Variants in RBFOX1 observed in about 807,000 individuals in gnomAD.
RBFOX1 encodes the protein RNA binding protein fox-1 homolog 1.
RBFOX1 carries 8 observed loss-of-function variants against 57.7 expected under a neutral mutation model. The ratio of observed to expected loss-of-function variants is 0.14; its 90% CI spans 0.08 to 0.25. The LOEUF is 0.25. RBFOX1 is among the 10% of genes least tolerant of loss of function. The pLI is 1.00. For missense variants in RBFOX1, 611 were observed against 548.5 expected (o/e 1.11, Z -1.14); for synonymous variants, 326 against 222.4 (o/e 1.47, Z -4.15).
chr16:6,716,838 G>T (rs2064927797), intron 3 of RBFOX1, among the ~76,000 whole-genome samples: 1 of 152,118 alleles, frequency 6.6e-6, no homozygotes, highest in Non-Finnish European at 1.5e-5. Flanking sequence ...TTGACATTAT[G>T]TGAGTGTAAT....
At chr16:6,125,147 G>A (rs2096580227) in intron 1 of RBFOX1, among the ~76,000 whole-genome samples, 1 of 152,116 alleles carries the variant, frequency 6.6e-6, no homozygotes, top group South Asian at 2.1e-4. Context: ...ATACTGTAAG[G>A]GACATTGTGC....
intron 2 of RBFOX1, among the ~76,000 whole-genome samples, chr16:6,486,793 G>A (rs1022328867): frequency 6.6e-6 from 1 of 151,856 alleles, no homozygotes; most frequent in African/African-American, 2.4e-5. Flanking sequence ...TTTTCATGCA[G>A]GGTTGTGTGT....
intron 2 of RBFOX1, among the ~76,000 whole-genome samples, chr16:6,363,153 CA>C (rs1385532199): frequency 6.6e-6 from 1 of 152,130 alleles, no homozygotes; most frequent in Non-Finnish European, 1.5e-5. Flanking sequence ...CAATTGGCTT[CA>C]AAAGCATTTT....
chr16:5,363,192 C>G (rs891316395), intron 1 of RBFOX1, among the ~76,000 whole-genome samples: 1 of 150,438 alleles, frequency 6.6e-6, no homozygotes, highest in African/African-American at 2.5e-5. Context: ...TGCCACAGCC[C>G]CTGGCTATTT....
intron 1 of RBFOX1, among the ~76,000 whole-genome samples, chr16:6,089,661 C>T (rs184520168): frequency 4.1e-4 from 62 of 152,154 alleles, no homozygotes; most frequent in Non-Finnish European, 6.2e-4. Flanking sequence ...TACCTGAGTA[C>T]GGGGTCAGGT....
intron 4 of RBFOX1, among the ~76,000 whole-genome samples, chr16:7,516,462 G>A (rs1174597083): frequency 6.6e-6 from 1 of 152,166 alleles, no homozygotes; most frequent in Non-Finnish European, 1.5e-5. Flanking sequence ...GGAAACTGGG[G>A]CTTTGTTGAA....
intron 1 of RBFOX1, among the ~76,000 whole-genome samples, chr16:6,034,582 T>G (rs749475285): frequency 6.6e-6 from 1 of 152,074 alleles, no homozygotes; most frequent in Non-Finnish European, 1.5e-5. Flanking sequence ...CATCTAAGCA[T>G]GAAGGCAGAG....
chr16:6,035,683 C>T (rs902959384), intron 1 of RBFOX1, among the ~76,000 whole-genome samples: 1 of 152,148 alleles, frequency 6.6e-6, no homozygotes, highest in South Asian at 2.1e-4. Context: ...CAATTCTTTT[C>T]CCCCCTCATC....
intron 4 of RBFOX1, among the ~76,000 whole-genome samples, chr16:7,079,052 G>C (rs930920471): frequency 7.3e-5 from 11 of 151,532 alleles, no homozygotes; most frequent in Non-Finnish European, 1.2e-4. Context: ...GGGAAACATG[G>C]TTCAACTCAT....
intron 4 of RBFOX1, among the ~76,000 whole-genome samples, chr16:7,493,423 A>G (rs966835677): frequency 6.6e-6 from 1 of 152,242 alleles, no homozygotes; most frequent in South Asian, 2.1e-4. Flanking sequence ...TAATCACTGG[A>G]ACCTGCGAGT....
intron 4 of RBFOX1, among the ~76,000 whole-genome samples, chr16:7,080,059 TTA>T (rs201835325): frequency 1.5e-5 from 2 of 135,236 alleles, no homozygotes; most frequent in Admixed American, 7.4e-5. Flanking sequence ...TATATACATA[TTA>T]TATATATACA....
At chr16:6,922,516 T>C (rs1446185114) in intron 3 of RBFOX1, among the ~76,000 whole-genome samples, 3 of 151,776 alleles carry the variant, frequency 2.0e-5, no homozygotes. Flanking sequence ...TTTCCACATT[T>C]AAAATCTTTT....
intron 3 of RBFOX1, among the ~76,000 whole-genome samples, chr16:5,790,192 C>T (rs1215645839): frequency 6.6e-6 from 1 of 152,200 alleles, no homozygotes; most frequent in Non-Finnish European, 1.5e-5. Context: ...TGACAAATAG[C>T]CCTTCTTCCA....
chr16:6,769,548 C>G (rs977452151), intron 3 of RBFOX1, among the ~76,000 whole-genome samples: 3 of 152,172 alleles, frequency 2.0e-5, no homozygotes, highest in African/African-American at 4.8e-5. Flanking sequence ...CAGGCTGTTT[C>G]CTGTTTTTGC....
rs577487110 is a variant in RBFOX1, at chr16:7,708,857, A to G, written c.996-199A>G. On this transcript the variant is annotated intron_variant, in intron 14 of 15. Coordinates refer to ENST00000550418, the MANE Select transcript of RBFOX1 (RefSeq NM_018723.4). The stretch of plus-strand genomic sequence containing the variant: ...ATGTATTTATCTGTCAAACATAGCA[A>G]TAGCAACCATGTTAAATGCACAAAA... Among the ~76,000 whole-genome samples, 52 of 152,288 alleles carry G rather than the reference A, an allele frequency of 3.4e-4. No individual in the cohort carries two copies. In the South Asian group the frequency reaches 0.011, roughly 31 times the overall value.
chr16:5,366,307 A>T (rs11076914), intron 1 of RBFOX1: 1 of 356,732 alleles, frequency 2.8e-6, no homozygotes. Flanking sequence ...TTTGATGATG[A>T]TGAAGATGAT....
chr16:6,984,158 A>G (rs1338469137), intron 3 of RBFOX1, among the ~76,000 whole-genome samples: 1 of 152,108 alleles, frequency 6.6e-6, no homozygotes, highest in Non-Finnish European at 1.5e-5. Context: ...GAGGCAGGAC[A>G]ATTGCTTGAA....
chr16:5,974,182 C>T (rs893429089), intron 4 of RBFOX1, among the ~76,000 whole-genome samples: 3 of 152,194 alleles, frequency 2.0e-5, no homozygotes, highest in Non-Finnish European at 2.9e-5. Context: ...GCAGGCAATG[C>T]CAGATCCAAT....
chr16:6,686,170 A>G (rs117509484), intron 3 of RBFOX1, among the ~76,000 whole-genome samples: 1 of 152,154 alleles, frequency 6.6e-6, no homozygotes, highest in African/African-American at 2.4e-5. Flanking sequence ...TGAAGGAACA[A>G]ATCCCTTCGA....
Sources: gnomAD v4.1 joint callset for allele counts (sites outside exome capture counted in the v4.1 genomes callset) on GRCh38, gnomAD v4.1.1 for gene constraint, MANE v1.5 for transcripts, NCBI Gene and HGNC (gene_info 2026-07-23, HGNC 2026-07-21) for gene names.